MNAT1: variants seen among roughly 807,000 people sequenced by gnomAD.
The protein encoded by MNAT1 is CDK-activating kinase assembly factor MAT1.
In MNAT1, 43 loss-of-function variants were observed where a neutral mutation model predicts 42.0. That is an observed-to-expected ratio of 1.02 (90% CI 0.80 to 1.32). The LOEUF (loss-of-function observed/expected upper bound fraction) is 1.32. Ranked by LOEUF, MNAT1 falls within the 40% of genes most tolerant of loss-of-function variation. The pLI, the probability that MNAT1 is intolerant of heterozygous loss-of-function variation, is 0.00. For missense variants in MNAT1, 306 were observed against 350.4 expected, an observed-to-expected ratio of 0.87 and a Z score of 1.01; for synonymous variants, 118 against 120.0, an observed-to-expected ratio of 0.98 and a Z score of 0.11.
intron 1 of MNAT1, among the ~76,000 whole-genome samples, chr14:60,768,302 C>T (rs2030916468): frequency 6.6e-6 from 1 of 152,178 alleles, no homozygotes; most frequent in African/African-American, 2.4e-5. Context: ...AATGTGTCTG[C>T]TCATAAATAG....
chr14:60,912,601 T>G (rs371302313), intron 7 of MNAT1, among the ~76,000 whole-genome samples: 65 of 152,336 alleles, frequency 4.3e-4, no homozygotes, highest in Middle Eastern at 3.4e-3. Flanking sequence ...GGCTGGATAT[T>G]AAATTCTGGG....
At chr14:60,861,374 A>G (rs2034090916) in intron 6 of MNAT1, among the ~76,000 whole-genome samples, 1 of 152,176 alleles carries the variant, frequency 6.6e-6, no homozygotes, top group South Asian at 2.1e-4. Flanking sequence ...AACTGGAACA[A>G]TAAGGTTATG....
intron 7 of MNAT1, among the ~76,000 whole-genome samples, chr14:60,906,412 G>A (rs1274063368): frequency 6.6e-6 from 1 of 152,142 alleles, no homozygotes; most frequent in Admixed American, 6.5e-5. Context: ...TAGATGGTGG[G>A]CAATGGTGGC....
At chr14:60,945,634 T>C (rs2036256327) in intron 7 of MNAT1, among the ~76,000 whole-genome samples, 1 of 152,220 alleles carries the variant, frequency 6.6e-6, no homozygotes, top group African/African-American at 2.4e-5. Flanking sequence ...TTAAATACAT[T>C]AGTATTTTAG....
At chr14:60,771,285 A>T in intron 1 of MNAT1, among the ~76,000 whole-genome samples, 1 of 152,012 alleles carries the variant, frequency 6.6e-6, no homozygotes, top group East Asian at 1.9e-4. Context: ...GTGGTTTTAA[A>T]ATGCATTTCC....
intron 7 of MNAT1, among the ~76,000 whole-genome samples, chr14:60,882,537 C>G (rs8004224): frequency 1.3e-5 from 2 of 152,112 alleles, no homozygotes; most frequent in Non-Finnish European, 2.9e-5. Flanking sequence ...AGTCCTGTAA[C>G]AAACATGGGA....
intron 6 of MNAT1, among the ~76,000 whole-genome samples, chr14:60,852,250 A>C (rs2033842262): frequency 6.6e-6 from 1 of 152,104 alleles, no homozygotes; most frequent in Non-Finnish European, 1.5e-5. Context: ...ATGGTATCTC[A>C]TTGTGGTTTT....
intron 7 of MNAT1, among the ~76,000 whole-genome samples, chr14:60,890,978 A>G (rs568580502): frequency 3.9e-5 from 6 of 152,292 alleles, no homozygotes; most frequent in Admixed American, 3.9e-4. Flanking sequence ...TGAGTTAGGG[A>G]GTGTTTCTTC....
intron 1 of MNAT1, among the ~76,000 whole-genome samples, chr14:60,772,595 CAAA>C (rs369654270): frequency 2.8e-5 from 3 of 108,470 alleles, no homozygotes; most frequent in Admixed American, 9.6e-5. Flanking sequence ...CTCCCCATTT[CAAA>C]AAAAAAAAAA....
At position 60,798,087 on chromosome 14, in the gene MNAT1, A is replaced by G. The variant is rs749131066; in HGVS notation, c.243A>G (p.Ile81Met). Residue 81 changes from isoleucine to methionine, a missense_variant and splice_region_variant, in exon 3 of 8, where the codon ATA becomes ATG. Around this residue, in one of 3 missense-constraint regions of MNAT1, gnomAD observed 72 missense variants for 111.0 expected, o/e 0.65. Coordinates refer to ENST00000261245, the MANE Select transcript of MNAT1 (RefSeq NM_002431.4). ...AGATTTCTTTTTTCTTTTCTTAAAG[A>G]TACAATAAAAGGGAAGAAGATTTTC... ...EVEIRKKVLK[I>M]YNKREEDFPS... 3.7e-6 allele frequency: 5 copies of G among 1,354,314 alleles called. No homozygotes were observed. The African/African-American group carries it at 5.8e-5, about 16-fold the overall frequency. 83.9% of individuals were successfully genotyped at this position (1,354,314 alleles called of 1,614,324 possible).
chr14:60,839,379 G>A (rs565900552), intron 6 of MNAT1, among the ~76,000 whole-genome samples: 1 of 152,320 alleles, frequency 6.6e-6, no homozygotes, highest in Admixed American at 6.5e-5. Context: ...ATGACCTGCA[G>A]AGAGGAGCTA....
chr14:60,766,485 C>A (rs972518182), intron 1 of MNAT1, among the ~76,000 whole-genome samples: 1 of 151,988 alleles, frequency 6.6e-6, no homozygotes, highest in Non-Finnish European at 1.5e-5. Flanking sequence ...AGGCCAAGGC[C>A]GGTGGATCAT....
chr14:60,782,520 A>G lies in MNAT1; in HGVS notation c.90-13697A>G, dbSNP rs536705382. Among the ~76,000 whole-genome samples the G allele has an allele frequency of 8.5e-5, 13 of 152,170 alleles. No individual in the cohort carries two copies. The South Asian group carries it at 2.7e-3, about 32-fold the overall frequency. On this transcript the variant is annotated intron_variant, in intron 1 of 7. Transcript: ENST00000261245. ...CAACCTATTTCTTGAATCCTTTAAC[A>G]GTTGTAATCCTTGTTACTGGCTCCT...
At chr14:60,805,384 A>G (rs1355969635) in intron 3 of MNAT1, among the ~76,000 whole-genome samples, 1 of 152,196 alleles carries the variant, frequency 6.6e-6, no homozygotes, top group African/African-American at 2.4e-5. Context: ...ACATTGTTAC[A>G]ATCAATGAAC....
chr14:60,741,511 C>T (rs911558015), intron 1 of MNAT1, among the ~76,000 whole-genome samples: 4 of 151,964 alleles, frequency 2.6e-5, no homozygotes, highest in Admixed American at 2.0e-4. Context: ...AGGCACGGGC[C>T]ACCACGTCTG....
At chr14:60,834,245 T>C (rs573316745) in intron 6 of MNAT1, among the ~76,000 whole-genome samples, 1 of 152,330 alleles carries the variant, frequency 6.6e-6, no homozygotes, top group African/African-American at 2.4e-5. Flanking sequence ...TCTTCTCTAG[T>C]TCTTTTAATT....
chr14:60,757,157 T>C (rs1309020497), intron 1 of MNAT1, among the ~76,000 whole-genome samples: 1 of 152,134 alleles, frequency 6.6e-6, no homozygotes, highest in African/African-American at 2.4e-5. Flanking sequence ...AAGCTAAAAA[T>C]TTCCTGTTTA....
At chr14:60,759,098 C>T (rs1366783089) in intron 1 of MNAT1, among the ~76,000 whole-genome samples, 1 of 152,096 alleles carries the variant, frequency 6.6e-6, no homozygotes, top group Non-Finnish European at 1.5e-5. Flanking sequence ...TCATTGTCAT[C>T]CCTTAAACTA....
chr14:60,909,312 A>T (rs1171382481), intron 7 of MNAT1, among the ~76,000 whole-genome samples: 1 of 152,132 alleles, frequency 6.6e-6, no homozygotes, highest in Non-Finnish European at 1.5e-5. Context: ...TGCTGTGCAG[A>T]AACTCTTTAG....
Sources: allele counts gnomAD v4.1 joint callset (sites outside exome capture counted in the v4.1 genomes callset), GRCh38; gene constraint gnomAD v4.1.1; regional missense constraint gnomAD v4.1.1; transcripts MANE v1.5; gene names NCBI Gene and HGNC (gene_info 2026-07-23, HGNC 2026-07-21).